Variants in ATP8B4 observed in about 807,000 individuals in gnomAD.
ATP8B4 encodes probable phospholipid-transporting ATPase IM.
In ATP8B4, 133 loss-of-function variants were observed where a neutral mutation model predicts 145.6. The ratio of observed to expected loss-of-function variants is 0.91; its 90% CI spans 0.79 to 1.05. The LOEUF is 1.05. ATP8B4 is among the 50% of genes least tolerant of loss of function. ATP8B4 has a pLI of 0.00. For missense variants in ATP8B4, 1,458 were observed against 1,425.2 expected (o/e 1.02, Z -0.37); for synonymous variants, 507 against 492.9 (o/e 1.03, Z -0.38).
At chr15:49,871,529 G>C (rs1270108518) in intron 25 of ATP8B4, among the ~76,000 whole-genome samples, 1 of 152,190 alleles carries the variant, frequency 6.6e-6, no homozygotes, top group Non-Finnish European at 1.5e-5. Context: ...ACTCATGGTG[G>C]TGATGATGAT....
chr15:49,992,589 C>G (rs1035273754), intron 9 of ATP8B4, among the ~76,000 whole-genome samples: 1 of 152,098 alleles, frequency 6.6e-6, no homozygotes, highest in Non-Finnish European at 1.5e-5. Context: ...GTGTCCGAAA[C>G]CTGGAGTCCC....
At chr15:50,111,269 T>A (rs1467717044) in intron 1 of ATP8B4, among the ~76,000 whole-genome samples, 1 of 152,244 alleles carries the variant, frequency 6.6e-6, no homozygotes, top group Non-Finnish European at 1.5e-5. Context: ...TCTGATTCCA[T>A]GCTCACCAAG....
intron 23 of ATP8B4, chr15:49,896,661 T>C (rs573720827): frequency 1.3e-5 from 2 of 152,362 alleles, no homozygotes; most frequent in Non-Finnish European, 2.9e-5. Flanking sequence ...TTAAATGATA[T>C]AGACATTACA....
chr15:49,897,454 G>A lies in ATP8B4; in HGVS notation c.2535C>T (p.Asp845=). ...GATATCTAAACTGTGCAAATGAATA[G>A]TCGCTGGCTAAGACTGCTTGCAATC... The part of the protein sequence containing the change: ...QEGLQAVLAS[D]YSFAQFRYLQ... Residue 845 remains aspartate (D), a synonymous_variant, in exon 23 of 28, where the codon GAC becomes GAT. Transcript: ENST00000284509. The A allele has an allele frequency of 6.2e-7, 1 of 1,607,796 alleles. No individual in the cohort carries two copies. The highest frequency in any genetic ancestry group is 8.5e-7 in the Non-Finnish European group (1 of 1,177,424).
intron 12 of ATP8B4, among the ~76,000 whole-genome samples, chr15:49,974,482 G>A (rs1220189220): frequency 2.0e-5 from 3 of 150,896 alleles, no homozygotes; most frequent in African/African-American, 7.3e-5. Context: ...TCCCACCTCT[G>A]CCTCTAGAGT....
At chr15:50,012,545 G>A (rs2048792938) in intron 6 of ATP8B4, among the ~76,000 whole-genome samples, 3 of 152,050 alleles carry the variant, frequency 2.0e-5, no homozygotes, top group Admixed American at 2.0e-4. Context: ...CCTTTACAAT[G>A]GACAATTGGA....
chr15:49,965,575 T>C (rs1476923110), intron 13 of ATP8B4, among the ~76,000 whole-genome samples: 8 of 152,152 alleles, frequency 5.3e-5, no homozygotes, highest in African/African-American at 1.9e-4. Flanking sequence ...ATGTAGAGCA[T>C]GTATTCTGAT....
At chr15:49,963,270 A>G (rs986253829) in intron 13 of ATP8B4, among the ~76,000 whole-genome samples, 1 of 152,218 alleles carries the variant, frequency 6.6e-6, no homozygotes, top group Non-Finnish European at 1.5e-5. Context: ...TCAAAAAATA[A>G]CAGGTGCTGG....
At chr15:50,138,329 GAT>G (rs2044155642) in intron 1 of ATP8B4, among the ~76,000 whole-genome samples, 1 of 25,248 alleles carries the variant, frequency 4.0e-5, no homozygotes. Flanking sequence ...TAGATAGGTA[GAT>G]AGATAGATAG....
At chr15:50,013,520 A>G (rs2048869294) in intron 6 of ATP8B4, among the ~76,000 whole-genome samples, 1 of 152,200 alleles carries the variant, frequency 6.6e-6, no homozygotes, top group Non-Finnish European at 1.5e-5. Context: ...TTCAGAGTAT[A>G]AAACTCTGAC....
At chr15:49,962,929 T>C (rs2044206135) in intron 13 of ATP8B4, among the ~76,000 whole-genome samples, 1 of 151,252 alleles carries the variant, frequency 6.6e-6, no homozygotes, top group African/African-American at 2.5e-5. Flanking sequence ...TTAAATTTCT[T>C]ATAATAATAA....
At chr15:50,117,990 G>C (rs1051001495) in intron 1 of ATP8B4, among the ~76,000 whole-genome samples, 1 of 152,184 alleles carries the variant, frequency 6.6e-6, no homozygotes, top group Non-Finnish European at 1.5e-5. Flanking sequence ...GTGGTTACCA[G>C]AGGTTAGGAA....
intron 3 of ATP8B4, among the ~76,000 whole-genome samples, chr15:50,067,366 T>C (rs900002616): frequency 6.6e-6 from 1 of 152,166 alleles, no homozygotes; most frequent in Admixed American, 6.6e-5. Flanking sequence ...ACCCAAACCA[T>C]AATTCCTCAT....
chr15:49,940,704 G>C (rs887148770), intron 14 of ATP8B4, among the ~76,000 whole-genome samples: 1 of 152,132 alleles, frequency 6.6e-6, no homozygotes, highest in African/African-American at 2.4e-5. Flanking sequence ...AAGGGGCTAG[G>C]TCCTCAATGA....
intron 14 of ATP8B4, among the ~76,000 whole-genome samples, chr15:49,953,902 T>C (rs2043320657): frequency 6.6e-6 from 1 of 152,180 alleles, no homozygotes; most frequent in East Asian, 1.9e-4. Flanking sequence ...GCTCACTCAC[T>C]GCCTCCCTTG....
intron 3 of ATP8B4, among the ~76,000 whole-genome samples, chr15:50,054,732 C>T (rs1047872245): frequency 1.6e-4 from 21 of 128,502 alleles, no homozygotes; most frequent in African/African-American, 5.9e-4. Flanking sequence ...TGCAGTGAGC[C>T]GAGATCGTGC....
At chr15:49,910,607 T>C (rs767704621) in intron 20 of ATP8B4, among the ~76,000 whole-genome samples, 7 of 152,146 alleles carry the variant, frequency 4.6e-5, no homozygotes, top group Non-Finnish European at 8.8e-5. Context: ...GAGAAAAGCA[T>C]CTAGTCACCT....
In ATP8B4 at chr15:49,860,188, A is replaced by G; in HGVS notation, c.*6T>C. ...AGATAACTACGTGGTTTAAATTCATATTGACTCACAGTTTCACTGTTTTAT... is the reference window on the plus strand; with the variant it reads ...AGATAACTACGTGGTTTAAATTCATGTTGACTCACAGTTTCACTGTTTTAT... On this transcript the variant is annotated 3_prime_UTR_variant, in exon 28 of 28. Transcript: ENST00000284509. 1 of 1,603,286 alleles carries G rather than the reference A, an allele frequency of 6.2e-7. No individual in the cohort carries two copies. The highest frequency in any genetic ancestry group is 8.5e-7 in the Non-Finnish European group (1 of 1,174,830).
At chr15:50,004,665 C>T (rs1440157955) in intron 7 of ATP8B4, among the ~76,000 whole-genome samples, 1 of 152,160 alleles carries the variant, frequency 6.6e-6, no homozygotes, top group African/African-American at 2.4e-5. Flanking sequence ...AATCCTGTAA[C>T]GCAGGTCTTA....
Sources: allele counts gnomAD v4.1 joint callset (sites outside exome capture counted in the v4.1 genomes callset), GRCh38; gene constraint gnomAD v4.1.1; transcripts MANE v1.5; gene names NCBI Gene and HGNC (gene_info 2026-07-23, HGNC 2026-07-21).